The following ST6GALNAC5 variants were observed in gnomAD, a reference collection of about 807,000 sequenced individuals.
ST6GALNAC5 encodes the protein ST6 N-acetylgalactosaminide alpha-2,6-sialyltransferase 5, also known as alpha-N-acetylgalactosaminide alpha-2,6-sialyltransferase 5.
ST6GALNAC5 carries 27 observed loss-of-function variants against 33.6 expected under a neutral mutation model. That is an observed-to-expected ratio of 0.80 (90% CI 0.59 to 1.11). The LOEUF (loss-of-function observed/expected upper bound fraction) is 1.11. Ranked by LOEUF, ST6GALNAC5 falls within the 50% of genes least tolerant of loss-of-function variation. The pLI is 0.00. For missense variants in ST6GALNAC5, 428 were observed against 454.0 expected, an observed-to-expected ratio of 0.94 and a Z score of 0.52; for synonymous variants, 194 against 171.2, an observed-to-expected ratio of 1.13 and a Z score of -1.04.
intron 2 of ST6GALNAC5, among the ~76,000 whole-genome samples, chr1:77,026,068 A>T (rs1570110918): frequency 6.6e-6 from 1 of 152,376 alleles, no homozygotes; most frequent in East Asian, 1.9e-4. Context: ...TGGCTTTGGC[A>T]GTAACTCACT....
At chr1:76,870,414 A>T (rs1452079626) in intron 2 of ST6GALNAC5, among the ~76,000 whole-genome samples, 1 of 152,188 alleles carries the variant, frequency 6.6e-6, no homozygotes, top group Admixed American at 6.5e-5. Flanking sequence ...AATTTGCTGA[A>T]AGTTTTGATC....
Position 77,063,698 on chromosome 1 carries a change from C to G in ST6GALNAC5, c.*492C>G, listed in dbSNP as rs1182555237. 1.3e-5 allele frequency: 2 copies of G among 155,840 alleles called. No homozygotes were observed. The highest frequency in any genetic ancestry group is 4.8e-5 in the African/African-American group (2 of 41,462). The allele number at this position is 155,840 out of a possible 1,614,324, so 9.7% of individuals were successfully genotyped here. A position where few individuals can be genotyped will look rare whatever the true frequency, so the allele number is the denominator to read the frequency against. Reference sequence around the variant, plus strand: ...ATGATTTCTGAAGAGCACATCTCCACTGACTTTCATAAAGCAAATGTCCAA... The same window carrying G: ...ATGATTTCTGAAGAGCACATCTCCAGTGACTTTCATAAAGCAAATGTCCAA... On this transcript the variant is annotated 3_prime_UTR_variant, in exon 5 of 5. Transcript: ENST00000477717.
At chr1:76,904,822 C>CA (rs547849456) in intron 2 of ST6GALNAC5, among the ~76,000 whole-genome samples, 2,514 of 134,640 alleles carry the variant, frequency 0.019, 67 homozygotes, top group African/African-American at 0.063. Flanking sequence ...GAGACTGTCT[C>CA]AAAAAAAAAA....
intron 2 of ST6GALNAC5, among the ~76,000 whole-genome samples, chr1:77,001,566 G>T (rs201324935): frequency 6.6e-6 from 1 of 150,724 alleles, no homozygotes; most frequent in Non-Finnish European, 1.5e-5. Flanking sequence ...TCCCTGTCTT[G>T]TGCCAGTTTT....
chr1:76,922,187 G>A (rs1647040714), intron 2 of ST6GALNAC5, among the ~76,000 whole-genome samples: 1 of 152,116 alleles, frequency 6.6e-6, no homozygotes. Context: ...AGAACAACAT[G>A]CTTAAAGCAA....
At chr1:76,874,610 G>T (rs1052705898) in intron 2 of ST6GALNAC5, among the ~76,000 whole-genome samples, 16 of 152,176 alleles carry the variant, frequency 1.1e-4, no homozygotes, top group African/African-American at 9.7e-5. Context: ...TAGGCTGGGA[G>T]ACTAGGCCCA....
intron 2 of ST6GALNAC5, among the ~76,000 whole-genome samples, chr1:77,009,211 T>C (rs1433089282): frequency 6.6e-6 from 1 of 152,208 alleles, no homozygotes; most frequent in East Asian, 1.9e-4. Context: ...CCAGACTTTA[T>C]GGACGAGCCA....
At chr1:76,890,870 G>C (rs899393172) in intron 2 of ST6GALNAC5, among the ~76,000 whole-genome samples, 1 of 151,886 alleles carries the variant, frequency 6.6e-6, no homozygotes, top group African/African-American at 2.4e-5. Context: ...TACATTTATC[G>C]ATTTGAGCAT....
intron 2 of ST6GALNAC5, among the ~76,000 whole-genome samples, chr1:77,004,668 T>C (rs200330257): frequency 0.044 from 3,965 of 90,200 alleles, 119 homozygotes; most frequent in East Asian, 0.13. Context: ...GATGGGTTTT[T>C]GGTGTGGATG....
rs541501692 is a variant in ST6GALNAC5 at position 76,921,952 on chromosome 1, T to C, written c.261+53210T>C. Among the ~76,000 whole-genome samples, 81 of 152,208 alleles carry C rather than the reference T, an allele frequency of 5.3e-4. 1 individual carries two copies. The highest frequency in any genetic ancestry group is 1.8e-3 in the African/African-American group (76 of 41,546). On this transcript the variant is annotated intron_variant, in intron 2 of 4. Coordinates refer to ENST00000477717, the MANE Select transcript of ST6GALNAC5 (RefSeq NM_030965.3). ...TACTTTCCTTTAAGATCAGAAACAA[T>C]GAAAGGACGTTTGGCATCATTCGTA...
At chr1:76,939,594 T>A (rs1417872908) in intron 2 of ST6GALNAC5, among the ~76,000 whole-genome samples, 1 of 152,086 alleles carries the variant, frequency 6.6e-6, no homozygotes, top group Non-Finnish European at 1.5e-5. Flanking sequence ...ATGGACAGAA[T>A]TGTGCTAATG....
intron 2 of ST6GALNAC5, among the ~76,000 whole-genome samples, chr1:76,973,156 T>G (rs1648830865): frequency 6.6e-6 from 1 of 152,090 alleles, no homozygotes; most frequent in South Asian, 2.1e-4. Flanking sequence ...TAGACAATTT[T>G]TCTTTGTATA....
chr1:77,004,527 C>T (rs891987205), intron 2 of ST6GALNAC5, among the ~76,000 whole-genome samples: 10 of 137,596 alleles, frequency 7.3e-5, no homozygotes, highest in African/African-American at 2.5e-4. Flanking sequence ...TGTTCCATTG[C>T]TGGTGAGGAA....
chr1:76,982,156 A>T (rs1256293977), intron 2 of ST6GALNAC5, among the ~76,000 whole-genome samples: 1 of 152,172 alleles, frequency 6.6e-6, no homozygotes, highest in Non-Finnish European at 1.5e-5. Context: ...CTGGATGGAG[A>T]ATGACTTTGA....
intron 2 of ST6GALNAC5, among the ~76,000 whole-genome samples, chr1:76,901,255 C>T (rs994351332): frequency 1.3e-5 from 2 of 152,136 alleles, no homozygotes; most frequent in African/African-American, 2.4e-5. Flanking sequence ...ATGTATTTTC[C>T]GTACATTGAA....
chr1:77,057,694 T>C (rs1418078231), intron 4 of ST6GALNAC5, among the ~76,000 whole-genome samples: 1 of 152,196 alleles, frequency 6.6e-6, no homozygotes, highest in South Asian at 2.1e-4. Context: ...AGAAATCTTT[T>C]ATGAACTGCA....
chr1:76,886,533 G>C (rs1053475644), intron 2 of ST6GALNAC5, among the ~76,000 whole-genome samples: 7 of 152,104 alleles, frequency 4.6e-5, no homozygotes, highest in Non-Finnish European at 1.0e-4. Context: ...CAAGTAAAAG[G>C]GTGAATCTGC....
intron 2 of ST6GALNAC5, among the ~76,000 whole-genome samples, chr1:76,905,510 A>G (rs575077658): frequency 2.6e-5 from 4 of 152,222 alleles, no homozygotes; most frequent in Non-Finnish European, 5.9e-5. Flanking sequence ...CTGTGTGCTT[A>G]TGTCCAAATT....
At chr1:76,909,465 G>A (rs1646892006) in intron 2 of ST6GALNAC5, among the ~76,000 whole-genome samples, 1 of 152,006 alleles carries the variant, frequency 6.6e-6, no homozygotes, top group African/African-American at 2.4e-5. Flanking sequence ...TGAAATATAG[G>A]AATTATGAAT....
Sources: gnomAD v4.1 joint callset for allele counts (sites outside exome capture counted in the v4.1 genomes callset) on GRCh38, gnomAD v4.1.1 for gene constraint, MANE v1.5 for transcripts, NCBI Gene and HGNC (gene_info 2026-07-23, HGNC 2026-07-21) for gene names.